Variants in PPP1R42 observed in about 807,000 individuals in gnomAD.
PPP1R42 encodes the protein protein phosphatase 1 regulatory subunit 42.
A neutral mutation model predicts 31.0 loss-of-function variants in PPP1R42; 34 were observed. The ratio of observed to expected loss-of-function variants is 1.10; its 90% CI spans 0.83 to 1.46. The LOEUF (loss-of-function observed/expected upper bound fraction) is 1.46, where lower values mean the gene tolerates loss of function less well. Among genes scored for constraint, PPP1R42 ranks in the 40% most tolerant of loss-of-function variants. The pLI is 0.00. For missense variants in PPP1R42, 268 were observed against 303.0 expected (o/e 0.88, Z 0.86); for synonymous variants, 103 against 109.8 (o/e 0.94, Z 0.39).
chr8:66,985,689 T>C (rs1814987666), intron 6 of PPP1R42: 1 of 1,313,652 alleles, frequency 7.6e-7, no homozygotes, highest in African/African-American at 1.4e-5. Context: ...CAATTGGAAG[T>C]TGCTCTGGTT....
Position 67,014,520 on chromosome 8 carries a change from G to C in PPP1R42, c.202C>G (p.Leu68Val), listed in dbSNP as rs1287076405. ...TGGGTCAGATTTGTGGCATAATTCA[G>C]GTTAGTGATTTGACTAATACAATTA... ...YDNCISQITN[L>V]NYATNLTHLY... The change falls in exon 3 of 8, where the codon CTG becomes GTG. Residue 68 changes from leucine to valine, a missense_variant. By Grantham distance (32) the Leu-to-Val change is conservative. Coordinates refer to ENST00000685739, the MANE Select transcript of PPP1R42 (RefSeq NM_001364910.1). The C allele has an allele frequency of 1.3e-6, 2 of 1,572,784 alleles. No homozygotes were observed. Among genetic ancestry groups the C allele is most frequent in the African/African-American group, 1.4e-5 (1 of 73,784 alleles).
At chr8:67,018,607 G>A (rs1375818006) in intron 1 of PPP1R42, among the ~76,000 whole-genome samples, 2 of 151,536 alleles carry the variant, frequency 1.3e-5, no homozygotes, top group South Asian at 2.1e-4. Flanking sequence ...CCGTCTCCTG[G>A]GTTCAAACAA....
Position 66,988,536 on chromosome 8 carries a change from A to C in PPP1R42, c.553-19T>G. ...CCAAATCCTATAATTAGAGAAGAAA[A>C]AGCAAAGCACAAGCATTTCATATTT... is the stretch of plus-strand genomic sequence containing the variant. On this transcript the variant is annotated intron_variant, in intron 5 of 7. Coordinates refer to ENST00000685739, the MANE Select transcript of PPP1R42 (RefSeq NM_001364910.1). 1 of 1,589,302 alleles carries C rather than the reference A, an allele frequency of 6.3e-7. No individual in the cohort carries two copies. Among genetic ancestry groups the C allele is most frequent in the South Asian group, 1.2e-5 (1 of 86,638 alleles).
rs575487311 is a variant in PPP1R42, at chr8:67,005,854, T to TA, written c.552+4860dup. Among the ~76,000 whole-genome samples, 835 of 151,948 alleles carry TA rather than the reference T, an allele frequency of 5.5e-3. 1 individual carries two copies. The highest frequency in any genetic ancestry group is 9.5e-3 in the Non-Finnish European group (645 of 67,968). ...GCAATAGAGAATTGTTTTTTTTTTT[T>TA]AAAAATCCTTCAGTTGACAGAGGAA... On this transcript the variant is annotated intron_variant, in intron 5 of 7. Transcript: ENST00000685739.
chr8:67,006,457 C>A (rs1029425709), intron 5 of PPP1R42, among the ~76,000 whole-genome samples: 1 of 152,140 alleles, frequency 6.6e-6, no homozygotes, highest in Admixed American at 6.6e-5. Context: ...ATCCTCCCAC[C>A]CCAGCCTCCT....
chr8:66,990,656 G>A (rs1815162922), intron 5 of PPP1R42, among the ~76,000 whole-genome samples: 1 of 152,202 alleles, frequency 6.6e-6, no homozygotes, highest in African/African-American at 2.4e-5. Context: ...CTGCAGCACA[G>A]CAATGCTCTC....
intron 7 of PPP1R42, among the ~76,000 whole-genome samples, chr8:66,980,844 C>T (rs1814808064): frequency 6.9e-6 from 1 of 145,874 alleles, no homozygotes; most frequent in Non-Finnish European, 1.5e-5. Flanking sequence ...GTGGTCAGTT[C>T]TTTTTTTTTT....
chr8:67,014,848 A>G (rs1200720899), intron 2 of PPP1R42, among the ~76,000 whole-genome samples: 1 of 152,132 alleles, frequency 6.6e-6, no homozygotes, highest in Non-Finnish European at 1.5e-5. Flanking sequence ...TCCCAGTGCA[A>G]GCAATTTTCC....
At chr8:67,023,374 C>T (rs1006567743) in intron 1 of PPP1R42, among the ~76,000 whole-genome samples, 1 of 151,986 alleles carries the variant, frequency 6.6e-6, no homozygotes, top group South Asian at 2.1e-4. Context: ...CCTCCCAAAC[C>T]GTTGGGATTG....
At chr8:66,986,198 C>T (rs1366645796) in intron 6 of PPP1R42, 1 of 579,320 alleles carries the variant, frequency 1.7e-6, no homozygotes, top group Non-Finnish European at 3.3e-6. Context: ...TTGGAGCCTC[C>T]CAAATTGCTG....
chr8:66,985,735 G>A, intron 6 of PPP1R42: 1 of 1,288,484 alleles, frequency 7.8e-7, no homozygotes, highest in Non-Finnish European at 1.1e-6. Flanking sequence ...AGGTGTAGGG[G>A]GGCTAATGAA....
chr8:67,013,396 C>T (rs1345283185), intron 3 of PPP1R42, among the ~76,000 whole-genome samples: 1 of 151,676 alleles, frequency 6.6e-6, no homozygotes, highest in African/African-American at 2.4e-5. Flanking sequence ...TTGATAATAA[C>T]CATTTTTGGG....
chr8:66,984,750 G>A, intron 6 of PPP1R42: 2 of 1,608,538 alleles, frequency 1.2e-6, no homozygotes, highest in South Asian at 1.1e-5. Flanking sequence ...CCTTCGTGGG[G>A]TCTTGAACAG....
intron 7 of PPP1R42, chr8:66,970,752 G>A: frequency 1.9e-6 from 1 of 517,540 alleles, no homozygotes; most frequent in South Asian, 1.5e-5. Flanking sequence ...GGTGTATCCA[G>A]TCTAACGCCG....
chr8:67,014,657 C>T, intron 2 of PPP1R42, 65 bp from the exon 3 acceptor site: 1 of 1,141,316 alleles, frequency 8.8e-7, no homozygotes, highest in Non-Finnish European at 1.2e-6. Flanking sequence ...TTGTTTTTAA[C>T]AAAAATTTTC....
At chr8:66,987,848 G>T (rs1221468271) in intron 6 of PPP1R42, among the ~76,000 whole-genome samples, 1 of 152,152 alleles carries the variant, frequency 6.6e-6, no homozygotes, top group Non-Finnish European at 1.5e-5. Context: ...TTCTGATGCT[G>T]TGTCACTTGG....
chr8:66,987,706 C>T (rs573036865), intron 6 of PPP1R42, among the ~76,000 whole-genome samples: 2 of 152,144 alleles, frequency 1.3e-5, no homozygotes, highest in Non-Finnish European at 2.9e-5. Flanking sequence ...AAGTTTCTCT[C>T]AATACAAAAT....
At chr8:66,988,956 TA>T (rs1031051820) in intron 5 of PPP1R42, among the ~76,000 whole-genome samples, 48 of 146,026 alleles carry the variant, frequency 3.3e-4, no homozygotes, top group African/African-American at 5.3e-4. Context: ...TTTTAAGTGT[TA>T]AAAAAAAAAG....
intron 1 of PPP1R42, among the ~76,000 whole-genome samples, chr8:67,023,855 C>T (rs537847919): frequency 8.2e-4 from 124 of 151,124 alleles, no homozygotes; most frequent in Middle Eastern, 6.8e-3. Flanking sequence ...TTTAAGATAG[C>T]CATACTCAGC....
Sources: gnomAD v4.1 joint callset for allele counts (sites outside exome capture counted in the v4.1 genomes callset) on GRCh38, gnomAD v4.1.1 for gene constraint, MANE v1.5 for transcripts, NCBI Gene and HGNC (gene_info 2026-07-23, HGNC 2026-07-21) for gene names.